The following AMZ2 variants were observed in gnomAD, a reference collection of about 807,000 sequenced individuals.
AMZ2 encodes the protein archaemetzincin-2.
A neutral mutation model predicts 36.7 loss-of-function variants in AMZ2; 26 were observed. The ratio of observed to expected loss-of-function variants is 0.71; its 90% confidence interval spans 0.52 to 0.98. AMZ2 has a LOEUF of 0.98. Ranked by LOEUF, AMZ2 falls within the 50% of genes least tolerant of loss-of-function variation. The pLI, the probability that AMZ2 is intolerant of heterozygous loss-of-function variation, is 0.00. For missense variants in AMZ2, 394 were observed against 430.5 expected (o/e 0.92, Z 0.75); for synonymous variants, 144 against 149.1 (o/e 0.97, Z 0.25).
intron 1 of AMZ2, chr17:68,206,873 G>C (rs2072850343): frequency 6.5e-6 from 1 of 153,138 alleles, no homozygotes; most frequent in African/African-American, 2.4e-5. Context: ...GTGCTAATGG[G>C]CCTGTGCAAC....
intron 1 of AMZ2, among the ~76,000 whole-genome samples, chr17:68,219,212 G>C (rs555485265): frequency 1.3e-5 from 2 of 152,070 alleles, no homozygotes; most frequent in Non-Finnish European, 2.9e-5. Flanking sequence ...TAATCCGCCC[G>C]CCTCAGCCTC....
At chr17:68,223,898 A>ATAT (rs782420385) in intron 1 of AMZ2, among the ~76,000 whole-genome samples, 28,674 of 111,472 alleles carry the variant, frequency 0.26, 2,990 homozygotes, top group African/African-American at 0.32. Context: ...ATATATATAT[A>ATAT]TTTTTTTTTG....
intron 1 of AMZ2, among the ~76,000 whole-genome samples, chr17:68,222,055 G>A (rs1240511974): frequency 2.6e-5 from 4 of 152,220 alleles, no homozygotes; most frequent in African/African-American, 9.6e-5. Context: ...ATTAGAAGGA[G>A]GTGAATGAAA....
At chr17:68,231,992 A>G (rs1396778514) in intron 1 of AMZ2, among the ~76,000 whole-genome samples, 1 of 152,120 alleles carries the variant, frequency 6.6e-6, no homozygotes, top group Non-Finnish European at 1.5e-5. Context: ...GGCAATTACA[A>G]AACTAAAACT....
chr17:68,217,395 G>T (rs2073226724), intron 1 of AMZ2, among the ~76,000 whole-genome samples: 2 of 152,060 alleles, frequency 1.3e-5, no homozygotes, highest in Admixed American at 1.3e-4. Context: ...TGCCTTTTTT[G>T]ATGCATAATA....
At chr17:68,247,355 A>AGC (rs2144677721), upstream of AMZ2, 4 of 153,618 alleles carry the variant, frequency 2.6e-5, no homozygotes, top group African/African-American at 9.8e-5. Flanking sequence ...AAAAAAAAAA[A>AGC]AAAAAGCAAG....
At chr17:68,219,802 G>A (rs1432290616) in intron 1 of AMZ2, among the ~76,000 whole-genome samples, 1 of 151,762 alleles carries the variant, frequency 6.6e-6, no homozygotes, top group African/African-American at 2.4e-5. Flanking sequence ...CCGAAGTGCT[G>A]GGATTGTAGG....
chr17:68,207,635 T>G (rs1340079014), intron 1 of AMZ2: 3 of 152,246 alleles, frequency 2.0e-5, no homozygotes, highest in Non-Finnish European at 4.4e-5. Flanking sequence ...TAGAGTAGTA[T>G]TATCTTGAGC....
At chr17:68,217,905 C>A (rs1295255501) in intron 1 of AMZ2, among the ~76,000 whole-genome samples, 1 of 151,360 alleles carries the variant, frequency 6.6e-6, no homozygotes, top group African/African-American at 2.4e-5. Context: ...CTCCACCTCC[C>A]GGGTTCACGC....
At chr17:68,241,949 T>C (rs2073911447) in intron 1 of AMZ2, among the ~76,000 whole-genome samples, 1 of 151,522 alleles carries the variant, frequency 6.6e-6, no homozygotes, top group Non-Finnish European at 1.5e-5. Context: ...TTCGCCATGT[T>C]GGCCAGGCTG....
chr17:68,209,602 G>GTATATATATATATATATATATA (rs1248054612), intron 1 of AMZ2, among the ~76,000 whole-genome samples: 2 of 121,056 alleles, frequency 1.7e-5, no homozygotes, highest in South Asian at 2.6e-4. Flanking sequence ...GTGTGTGTGT[G>GTATATATATATATATATATATA]TGTATATGTA....
upstream of AMZ2, chr17:68,247,777 G>C (rs1311923338): frequency 1.0e-6 from 1 of 985,566 alleles, no homozygotes; most frequent in Non-Finnish European, 1.2e-6. Context: ...CTCGAGAACC[G>C]GGCCGCGGAG....
At chr17:68,250,107 A>G (rs1440038771) in intron 1 of AMZ2, 81 bp from the exon 2 acceptor site, 2 of 1,429,648 alleles carry the variant, frequency 1.4e-6, no homozygotes, top group African/African-American at 1.4e-5. Context: ...GGGAGAAATC[A>G]GAGCTGAAAT....
At chr17:68,217,314 C>T (rs1473295152) in intron 1 of AMZ2, among the ~76,000 whole-genome samples, 3 of 152,128 alleles carry the variant, frequency 2.0e-5, no homozygotes, top group Non-Finnish European at 4.4e-5. Flanking sequence ...ATTCTTTACT[C>T]AAGTTATATT....
chr17:68,251,279 T>A, intron 4 of AMZ2, 101 bp downstream of exon 4: 1 of 1,245,666 alleles, frequency 8.0e-7, no homozygotes, highest in Non-Finnish European at 1.1e-6. Flanking sequence ...CATATTGATA[T>A]TTAAAATATT....
chr17:68,250,225 C>T lies in AMZ2; in HGVS notation c.38C>T (p.Thr13Ile), dbSNP rs781919236. 4 of 1,614,048 alleles carry T rather than the reference C, an allele frequency of 2.5e-6. No individual in the cohort carries two copies. The highest frequency in any genetic ancestry group is 1.7e-5 in the Admixed American group (1 of 59,998). The part of the protein sequence containing the change: ...IIRHSEQTLK[T>I]ALISKNPVLV... ...CGGCACTCCGAACAGACACTAAAAA[C>T]AGCTCTCATCTCAAAGAACCCAGTG... The change falls in exon 2 of 7, where the codon ACA becomes ATA. Residue 13 changes from threonine (T) to isoleucine (I), a missense_variant. Physicochemically the swap from Thr to Ile is moderately conservative, Grantham distance 89. Transcript: ENST00000359904.
At chr17:68,221,278 A>G (rs1312420727) in intron 1 of AMZ2, among the ~76,000 whole-genome samples, 1 of 123,306 alleles carries the variant, frequency 8.1e-6, no homozygotes, top group East Asian at 2.5e-4. Context: ...TTATTTATTT[A>G]TTTAGTAGAG....
At position 68,211,772 on chromosome 17, in the gene AMZ2, A is replaced by C. The variant is rs1397330524; in HGVS notation, c.-67+5534A>C. On this transcript the variant is annotated intron_variant, in intron 1 of 7. Transcript: ENST00000674770. ...TATATATGTATATGTATATATGTGT[A>C]TATGTATATATGTATATGTATATAT... is the stretch of plus-strand genomic sequence containing the variant. Among the ~76,000 whole-genome samples the C allele has an allele frequency of 1.2e-4, 15 of 123,962 alleles. 1 individual carries two copies. Among genetic ancestry groups the C allele is most frequent in the African/African-American group, 6.2e-4 (15 of 24,046 alleles). 81.3% of individuals were successfully genotyped at this position (123,962 alleles called of 152,430 possible).
At chr17:68,220,425 C>T (rs1190897282) in intron 1 of AMZ2, among the ~76,000 whole-genome samples, 4 of 151,826 alleles carry the variant, frequency 2.6e-5, no homozygotes, top group Non-Finnish European at 5.9e-5. Context: ...TGTAAGCTCC[C>T]GGAAGTCAGA....
Sources: allele counts gnomAD v4.1 joint callset (sites outside exome capture counted in the v4.1 genomes callset), GRCh38; gene constraint gnomAD v4.1.1; transcripts MANE v1.5; gene names NCBI Gene and HGNC (gene_info 2026-07-23, HGNC 2026-07-21).